The following ZBTB37 variants were observed in gnomAD, a reference collection of about 807,000 sequenced individuals.
ZBTB37 encodes the protein zinc finger and BTB domain-containing protein 37.
In ZBTB37, 15 loss-of-function variants were observed where a neutral mutation model predicts 37.7. That is an observed-to-expected ratio of 0.40 (90% CI 0.27 to 0.61). The LOEUF is 0.61. ZBTB37 is among the 20% of genes least tolerant of loss of function. ZBTB37 has a pLI of 0.44. For missense variants in ZBTB37, 514 were observed against 641.9 expected (o/e 0.80, Z 2.15); for synonymous variants, 231 against 220.6 (o/e 1.05, Z -0.42).
chr1:173,901,421 T>TTTTGAAA (rs1657253213), exon 4 of ZBTB37: 1 of 148,898 alleles, frequency 6.7e-6, no homozygotes, highest in African/African-American at 2.5e-5. Context: ...TTTTTTTTTT[T>TTTTGAAA]GAGACAGGGT....
At chr1:173,871,225 A>G in intron 3 of ZBTB37, 77 bp downstream of exon 3, 1 of 1,355,150 alleles carries the variant, frequency 7.4e-7, no homozygotes, top group Non-Finnish European at 9.8e-7. Context: ...TGTAGTACAG[A>G]GAGCATTTTC....
chr1:173,882,423 G>T (rs1428719756), intron 4 of ZBTB37, among the ~76,000 whole-genome samples: 2 of 151,630 alleles, frequency 1.3e-5, no homozygotes, highest in African/African-American at 4.8e-5. Flanking sequence ...TGTATTTTTA[G>T]TAGAGACAGG....
intron 4 of ZBTB37, among the ~76,000 whole-genome samples, chr1:173,883,467 G>A (rs997077553): frequency 1.6e-4 from 25 of 151,986 alleles, no homozygotes; most frequent in African/African-American, 4.3e-4. Context: ...GCGAAACTCC[G>A]TCTCAAAAAA....
At chr1:173,886,246 A>T (rs1656616449) in exon 5 of ZBTB37, 1 of 1,420,998 alleles carries the variant, frequency 7.0e-7, no homozygotes, top group African/African-American at 1.4e-5. Context: ...GATGCTCCCA[A>T]GATGTTGCCA....
chr1:173,887,294 CTA>C (rs1429861606), downstream of ZBTB37: 1 of 152,146 alleles, frequency 6.6e-6, no homozygotes, highest in Non-Finnish European at 1.5e-5. Context: ...TCACTTAAAA[CTA>C]TGTCTCGGGT....
chr1:173,894,621 A>G (rs901489566), exon 4 of ZBTB37: 2 of 152,214 alleles, frequency 1.3e-5, no homozygotes, highest in Non-Finnish European at 2.9e-5. Flanking sequence ...CAGGCCTAGA[A>G]TTATCATACA....
downstream of ZBTB37, chr1:173,888,231 AT>A (rs1656704372): frequency 6.6e-6 from 1 of 152,168 alleles, no homozygotes; most frequent in South Asian, 2.1e-4. Flanking sequence ...GTAAAGTTGA[AT>A]TAGCCAAAAA....
At chr1:173,876,878 T>C (rs1329933544) in intron 4 of ZBTB37, among the ~76,000 whole-genome samples, 1 of 152,188 alleles carries the variant, frequency 6.6e-6, no homozygotes, top group Non-Finnish European at 1.5e-5. Context: ...GACCATTTTG[T>C]CATTGTGCAA....
Position 173,886,055 on chromosome 1 carries a change from T to C in ZBTB37, c.1443T>C (p.Pro481=), listed in dbSNP as rs1236083940. ...GAGGACAAGCTGAGGAAGAGTCACC[T>C]TCACAGGAAGAGACAGTTGCTCCTG... is the stretch of plus-strand genomic sequence containing the variant. The change falls in exon 5 of 5, where the codon CCT becomes CCC. Residue 481 remains proline, a synonymous_variant. Coordinates refer to ENST00000427304, the Ensembl canonical transcript of ZBTB37. The C allele has an allele frequency of 1.9e-6, 3 of 1,551,602 alleles. No individual in the cohort carries two copies. In the African/African-American group the frequency reaches 4.1e-5, roughly 21 times the overall value.
chr1:173,879,709 T>C (rs1656192195), intron 4 of ZBTB37, among the ~76,000 whole-genome samples: 1 of 152,170 alleles, frequency 6.6e-6, no homozygotes, highest in African/African-American at 2.4e-5. Context: ...CCCAGCACTT[T>C]GGGAGGCCCA....
exon 5 of ZBTB37, chr1:173,885,815 C>T (rs1165848607): frequency 1.9e-6 from 3 of 1,551,660 alleles, no homozygotes; most frequent in Non-Finnish European, 2.6e-6. Context: ...TCACACCATT[C>T]GTCTGCCGCA....
chr1:173,884,940 A>T (rs1409017670), intron 4 of ZBTB37, among the ~76,000 whole-genome samples: 1 of 152,222 alleles, frequency 6.6e-6, no homozygotes, highest in African/African-American at 2.4e-5. Context: ...TTTCATCATC[A>T]TTGATAGTTC....
At chr1:173,877,193 A>G (rs1052922227) in intron 4 of ZBTB37, among the ~76,000 whole-genome samples, 1 of 152,180 alleles carries the variant, frequency 6.6e-6, no homozygotes, top group Admixed American at 6.5e-5. Context: ...AAATTCAGTA[A>G]TGAGTCAGAC....
chr1:173,869,598 G>A (rs1401043430), intron 2 of ZBTB37, among the ~76,000 whole-genome samples: 1 of 152,092 alleles, frequency 6.6e-6, no homozygotes, highest in Non-Finnish European at 1.5e-5. Flanking sequence ...TGGCACAGCT[G>A]TGGGATTTTT....
exon 4 of ZBTB37, chr1:173,899,301 C>A (rs1346103554): frequency 1.3e-5 from 2 of 151,798 alleles, no homozygotes; most frequent in African/African-American, 4.8e-5. Flanking sequence ...TCTGGCTTAT[C>A]TTTTGTTTGT....
intron 1 of ZBTB37, 162 bp from the exon 2 acceptor site, chr1:173,868,763 G>A (rs564720697): frequency 1.4e-4 from 22 of 152,838 alleles, no homozygotes; most frequent in African/African-American, 5.3e-4. Flanking sequence ...CCTGAGCGCT[G>A]GCTCCCCCGC....
rs901354352 is a variant in ZBTB37 at position 173,885,825 on chromosome 1, A to T, written c.1213A>T (p.Met405Leu). Residue 405 changes from methionine to leucine, a missense_variant, in exon 5 of 5, where the codon ATG (methionine) becomes TTG (leucine). Coordinates refer to ENST00000427304, the Ensembl canonical transcript of ZBTB37. ...GGGGATCACACCATTCGTCTGCCGC[A>T]TGTGTGGCAAGAAGTATACCCGGAA... 8.4e-6 allele frequency: 13 copies of T among 1,551,684 alleles called. No individual in the cohort carries two copies. Among genetic ancestry groups the T allele is most frequent in the Non-Finnish European group, 9.6e-6 (11 of 1,147,026 alleles).
chr1:173,900,431 G>T (rs2146372), exon 4 of ZBTB37: 1 of 152,152 alleles, frequency 6.6e-6, no homozygotes, highest in East Asian at 1.9e-4. Context: ...TCAACACAGA[G>T]GGGAGAACTG....
At chr1:173,874,215 A>G (rs1378234045) in intron 4 of ZBTB37, among the ~76,000 whole-genome samples, 1 of 145,006 alleles carries the variant, frequency 6.9e-6, no homozygotes, top group African/African-American at 2.5e-5. Flanking sequence ...AGATCACACC[A>G]TTGCACTCCA....
Sources: gnomAD v4.1 joint callset for allele counts (sites outside exome capture counted in the v4.1 genomes callset) on GRCh38, gnomAD v4.1.1 for gene constraint, MANE v1.5 for transcripts, NCBI Gene and HGNC (gene_info 2026-07-23, HGNC 2026-07-21) for gene names.